RABGAP1L: variants seen among roughly 807,000 people sequenced by gnomAD.
The protein encoded by RABGAP1L is rab GTPase-activating protein 1-like.
In RABGAP1L, 63 loss-of-function variants were observed where a neutral mutation model predicts 137.7. The observed-to-expected ratio is 0.46, with a 90% CI of 0.37 to 0.56. The LOEUF (loss-of-function observed/expected upper bound fraction) is 0.56. Ranked by LOEUF, RABGAP1L falls within the 20% of genes least tolerant of loss-of-function variation. The probability of loss-of-function intolerance (pLI) is 0.00; values close to 1 mark genes in which losing one functional copy is unlikely to be tolerated. For missense variants in RABGAP1L, 1,095 were observed against 1,244.0 expected, an observed-to-expected ratio of 0.88 and a Z score of 1.80; for synonymous variants, 431 against 433.7, an observed-to-expected ratio of 0.99 and a Z score of 0.08.
chr1:174,784,145 G>A (rs1187800573), intron 18 of RABGAP1L, among the ~76,000 whole-genome samples: 2 of 144,348 alleles, frequency 1.4e-5, no homozygotes, highest in Non-Finnish European at 3.0e-5. Context: ...TCAGCCTCCC[G>A]AGTAGCTGGG....
chr1:174,924,428 T>C (rs187096745), intron 19 of RABGAP1L, among the ~76,000 whole-genome samples: 1 of 147,974 alleles, frequency 6.8e-6, no homozygotes, highest in East Asian at 2.0e-4. Context: ...AAAGTACTAC[T>C]GAAATCTAGA....
At chr1:174,908,201 A>G (rs1204252074) in intron 19 of RABGAP1L, among the ~76,000 whole-genome samples, 1 of 152,240 alleles carries the variant, frequency 6.6e-6, no homozygotes, top group Admixed American at 6.5e-5. Flanking sequence ...CAATACAGTA[A>G]TAGTAGGGGA....
intron 13 of RABGAP1L, among the ~76,000 whole-genome samples, chr1:174,447,806 G>A (rs1654935451): frequency 6.6e-6 from 1 of 151,890 alleles, no homozygotes; most frequent in African/African-American, 2.4e-5. Context: ...TCTGCAAAAA[G>A]TTCTTTGAGG....
At chr1:174,300,646 CTTA>C (rs1441997244) in intron 10 of RABGAP1L, among the ~76,000 whole-genome samples, 1 of 151,822 alleles carries the variant, frequency 6.6e-6, no homozygotes, top group Non-Finnish European at 1.5e-5. Context: ...GGCCTGGTGG[CTTA>C]TGCCTGTATT....
At chr1:174,563,143 C>T (rs959487805) in intron 13 of RABGAP1L, among the ~76,000 whole-genome samples, 1 of 152,116 alleles carries the variant, frequency 6.6e-6, no homozygotes, top group African/African-American at 2.4e-5. Flanking sequence ...CTATCTGGCT[C>T]TTTACCACAA....
At chr1:174,450,552 CTTAA>C (rs1303974231) in intron 13 of RABGAP1L, among the ~76,000 whole-genome samples, 1 of 152,066 alleles carries the variant, frequency 6.6e-6, no homozygotes, top group Non-Finnish European at 1.5e-5. Context: ...ATATAATATA[CTTAA>C]TTATCAAATA....
intron 13 of RABGAP1L, among the ~76,000 whole-genome samples, chr1:174,410,917 G>C (rs1048318145): frequency 6.6e-6 from 1 of 152,016 alleles, no homozygotes; most frequent in Non-Finnish European, 1.5e-5. Context: ...AGATTTATTT[G>C]AGCAATGTTT....
chr1:174,610,649 G>C (rs1671151315), intron 13 of RABGAP1L, among the ~76,000 whole-genome samples: 1 of 152,116 alleles, frequency 6.6e-6, no homozygotes, highest in Non-Finnish European at 1.5e-5. Context: ...CACAATGGTT[G>C]AACTAGATTA....
intron 20 of RABGAP1L, among the ~76,000 whole-genome samples, chr1:174,965,849 T>C (rs1669573980): frequency 2.0e-5 from 3 of 152,244 alleles, no homozygotes; most frequent in Admixed American, 1.3e-4. Flanking sequence ...TATTTTGCTT[T>C]GCAGGGACTC....
chr1:174,817,819 G>T (rs143588861), intron 19 of RABGAP1L, among the ~76,000 whole-genome samples: 3 of 152,230 alleles, frequency 2.0e-5, no homozygotes, highest in African/African-American at 7.2e-5. Context: ...ATAGGCTGAA[G>T]AAATTATGGA....
At chr1:174,392,237 A>G (rs1647246809) in intron 12 of RABGAP1L, among the ~76,000 whole-genome samples, 1 of 152,238 alleles carries the variant, frequency 6.6e-6, no homozygotes, top group Non-Finnish European at 1.5e-5. Context: ...AGCATAGGAA[A>G]ATAAAAGGGC....
At chr1:174,318,630 T>TTCTTTCTTTC (rs1679646889) in intron 11 of RABGAP1L, among the ~76,000 whole-genome samples, 1 of 148,700 alleles carries the variant, frequency 6.7e-6, no homozygotes, top group Non-Finnish European at 1.5e-5. Flanking sequence ...CTTTCTTTCT[T>TTCTTTCTTTC]TCTTTTTCTT....
At chr1:174,530,790 T>TATACATACATACATAC (rs79486666) in intron 13 of RABGAP1L, among the ~76,000 whole-genome samples, 2 of 146,424 alleles carry the variant, frequency 1.4e-5, no homozygotes, top group Admixed American at 7.0e-5. Context: ...CCAAGATTTT[T>TATACATACATACATAC]ATACATACAT....
intron 19 of RABGAP1L, among the ~76,000 whole-genome samples, chr1:174,908,896 G>A (rs188308475): frequency 4.0e-5 from 6 of 150,208 alleles, no homozygotes; most frequent in South Asian, 2.1e-4. Flanking sequence ...AAAAGGGGCC[G>A]GGCACAGTGG....
chr1:174,941,477 C>T (rs948411472), intron 19 of RABGAP1L, among the ~76,000 whole-genome samples: 5 of 152,210 alleles, frequency 3.3e-5, no homozygotes, highest in Non-Finnish European at 5.9e-5. Context: ...GTTCCTCTGG[C>T]ACATGAATTG....
chr1:174,476,311 G>T (rs1658500090), intron 13 of RABGAP1L, among the ~76,000 whole-genome samples: 1 of 151,884 alleles, frequency 6.6e-6, no homozygotes, highest in South Asian at 2.1e-4. Context: ...GTAAGTTTTG[G>T]AGCAATTTAC....
At chr1:174,453,344 A>T (rs1230957880) in intron 13 of RABGAP1L, among the ~76,000 whole-genome samples, 1 of 152,210 alleles carries the variant, frequency 6.6e-6, no homozygotes, top group Non-Finnish European at 1.5e-5. Flanking sequence ...TAATAAGCTG[A>T]TTTGCTCCAT....
intron 13 of RABGAP1L, among the ~76,000 whole-genome samples, chr1:174,571,968 A>G: frequency 6.6e-6 from 1 of 152,326 alleles, no homozygotes; most frequent in Non-Finnish European, 1.5e-5. Flanking sequence ...ACGCCTCACA[A>G]ATAAAATATA....
intron 13 of RABGAP1L, chr1:174,547,747 T>C: frequency 9.0e-7 from 1 of 1,110,202 alleles, no homozygotes; most frequent in South Asian, 1.6e-5. Flanking sequence ...TATGGAGTCA[T>C]TGTATTTGTA....
Sources: gnomAD v4.1 joint callset for allele counts (sites outside exome capture counted in the v4.1 genomes callset) on GRCh38, gnomAD v4.1.1 for gene constraint, MANE v1.5 for transcripts, NCBI Gene and HGNC (gene_info 2026-07-23, HGNC 2026-07-21) for gene names.